Variants in SGCZ observed in about 807,000 individuals in gnomAD.
The protein encoded by SGCZ is zeta-sarcoglycan.
In SGCZ, 40 loss-of-function variants were observed where a neutral mutation model predicts 41.3. That is an observed-to-expected ratio of 0.97 (90% confidence interval 0.75 to 1.26). The LOEUF (loss-of-function observed/expected upper bound fraction) is 1.26. SGCZ is among the 50% of genes most tolerant of loss of function. The probability of loss-of-function intolerance (pLI) is 0.00; values close to 1 mark genes in which losing one functional copy is unlikely to be tolerated. For synonymous variants in SGCZ, 206 were observed against 137.5 expected, an observed-to-expected ratio of 1.50 and a Z score of -3.49; for missense variants, 552 against 369.8, an observed-to-expected ratio of 1.49 and a Z score of -4.04.
chr8:14,122,573 G>A (rs1370102738), intron 5 of SGCZ, among the ~76,000 whole-genome samples: 1 of 152,142 alleles, frequency 6.6e-6, no homozygotes, highest in African/African-American at 2.4e-5. Flanking sequence ...AATACTTTTA[G>A]CCATTTAAAA....
intron 2 of SGCZ, among the ~76,000 whole-genome samples, chr8:14,436,799 G>C (rs1409263843): frequency 6.6e-6 from 1 of 152,184 alleles, no homozygotes; most frequent in Admixed American, 6.5e-5. Context: ...GTGGTTTAGA[G>C]GAAAAGCACT....
intron 1 of SGCZ, among the ~76,000 whole-genome samples, chr8:14,946,855 T>C (rs1170475461): frequency 6.6e-6 from 1 of 151,924 alleles, no homozygotes; most frequent in Non-Finnish European, 1.5e-5. Context: ...TTTGTATTTT[T>C]AGTAGAGACG....
At chr8:14,834,291 C>A (rs1029174963) in intron 1 of SGCZ, among the ~76,000 whole-genome samples, 2 of 151,980 alleles carry the variant, frequency 1.3e-5, no homozygotes, top group African/African-American at 2.4e-5. Flanking sequence ...TTGAGCTTAG[C>A]CATTTTATTC....
Position 14,716,092 on chromosome 8 carries a change from C to A in SGCZ, c.40-161166G>T, listed in dbSNP as rs192893508. 1.6e-3 allele frequency among the ~76,000 whole-genome samples: 249 copies of A among 151,706 alleles called. 2 individuals are homozygous for A. The highest frequency in any genetic ancestry group is 4.7e-3 in the Admixed American group (71 of 15,234). On this transcript the variant is annotated intron_variant, in intron 1 of 7. Coordinates refer to ENST00000382080, the MANE Select transcript of SGCZ (RefSeq NM_139167.4). ...CCAGATAGCAAAACTTAAACAAGGCCGATAAAGTGGAACCTAGAAATTAAT... is the reference window on the plus strand; with the variant it reads ...CCAGATAGCAAAACTTAAACAAGGCAGATAAAGTGGAACCTAGAAATTAAT...
At chr8:14,130,306 T>C (rs1050309149) in intron 5 of SGCZ, among the ~76,000 whole-genome samples, 1 of 148,882 alleles carries the variant, frequency 6.7e-6, no homozygotes, top group Non-Finnish European at 1.5e-5. Flanking sequence ...AAAAAACAAA[T>C]GATTCAAAAT....
intron 4 of SGCZ, among the ~76,000 whole-genome samples, chr8:14,175,308 G>A (rs1307298785): frequency 6.6e-6 from 1 of 151,936 alleles, no homozygotes; most frequent in African/African-American, 2.4e-5. Context: ...TCATAAAAAA[G>A]GAAATGAAGA....
At chr8:14,619,132 C>T (rs1174986657) in intron 1 of SGCZ, among the ~76,000 whole-genome samples, 1 of 152,062 alleles carries the variant, frequency 6.6e-6, no homozygotes, top group Non-Finnish European at 1.5e-5. Context: ...AAGGCTGGTT[C>T]AACATATGCA....
chr8:14,549,788 A>G (rs13281154), intron 2 of SGCZ, among the ~76,000 whole-genome samples: 75,048 of 151,936 alleles, frequency 0.49, 20,659 homozygotes, highest in Non-Finnish European at 0.62. Context: ...AATCTGCCAG[A>G]AAAGGCCACA....
chr8:14,108,070 ACAT>A (rs2117000310), intron 6 of SGCZ, 90 bp downstream of exon 6: 1 of 925,528 alleles, frequency 1.1e-6, no homozygotes, highest in African/African-American at 2.9e-5. Flanking sequence ...ATTGGGAGAA[ACAT>A]TTGTCTAGTT....
chr8:15,213,847 T>C (rs1801313866), intron 1 of SGCZ, among the ~76,000 whole-genome samples: 1 of 151,998 alleles, frequency 6.6e-6, no homozygotes, highest in Non-Finnish European at 1.5e-5. Flanking sequence ...ATGTTCTAAT[T>C]TTCCCATAGG....
At chr8:14,422,981 T>C (rs539532923) in intron 2 of SGCZ, among the ~76,000 whole-genome samples, 156 of 152,200 alleles carry the variant, frequency 1.0e-3, no homozygotes, top group African/African-American at 3.4e-3. Context: ...TGAGCCATGA[T>C]CATGCCATTG....
Position 14,666,934 on chromosome 8 carries a change from T to C in SGCZ, c.40-112008A>G, listed in dbSNP as rs1277317670. The stretch of plus-strand genomic sequence containing the variant: ...TAAACCCTAGAAATATGTTTGTATA[T>C]AAACACACACATATATATGCACACA... On this transcript the variant is annotated intron_variant, in intron 1 of 7. Transcript: ENST00000382080. 3.9e-5 allele frequency among the ~76,000 whole-genome samples: 6 copies of C among 152,082 alleles called. No individual in the cohort carries two copies. The East Asian group carries it at 1.2e-3, about 29-fold the overall frequency.
chr8:14,806,674 C>T (rs1489248411), intron 1 of SGCZ, among the ~76,000 whole-genome samples: 1 of 152,090 alleles, frequency 6.6e-6, no homozygotes, highest in African/African-American at 2.4e-5. Flanking sequence ...TGGTACCATT[C>T]CTTCTGAAAC....
At chr8:15,105,815 G>A (rs1008198167) in intron 1 of SGCZ, among the ~76,000 whole-genome samples, 6 of 152,076 alleles carry the variant, frequency 3.9e-5, no homozygotes, top group African/African-American at 1.5e-4. Flanking sequence ...CTATAATTGA[G>A]TGCTGTTATT....
At chr8:14,444,905 C>T (rs528649527) in intron 2 of SGCZ, among the ~76,000 whole-genome samples, 203 of 152,280 alleles carry the variant, frequency 1.3e-3, no homozygotes, top group African/African-American at 4.7e-3. Context: ...AAACTCAACG[C>T]TGGATTCCAA....
rs140775827 is a variant in SGCZ at position 15,050,227 on chromosome 8, T to C, written c.39+187358A>G. 4.5e-4 allele frequency among the ~76,000 whole-genome samples: 69 copies of C among 152,300 alleles called. No individual in the cohort carries two copies. The East Asian group carries it at 0.013, about 28-fold the overall frequency. On this transcript the variant is annotated intron_variant, in intron 1 of 7. Transcript: ENST00000382080. The stretch of plus-strand genomic sequence containing the variant: ...GAATTGATGGTACCATATGTAGGCA[T>C]GAGAAATCATGCCTAACTTTGAACA...
chr8:14,359,169 C>T (rs969052019), intron 2 of SGCZ, among the ~76,000 whole-genome samples: 3 of 151,706 alleles, frequency 2.0e-5, no homozygotes, highest in Middle Eastern at 3.2e-3. Context: ...AATAAGAGTA[C>T]GTGAAGATAA....
chr8:14,508,632 G>A (rs530674121), intron 2 of SGCZ, among the ~76,000 whole-genome samples: 1 of 152,220 alleles, frequency 6.6e-6, no homozygotes, highest in East Asian at 1.9e-4. Flanking sequence ...TTCCCCATCG[G>A]TGGCATTCCA....
Position 14,349,872 on chromosome 8 carries a change from C to T in SGCZ, c.235-25668G>A, listed in dbSNP as rs187153487. ...ACCAAATAAGTTAGAAATCATATAT[C>T]CCTTTTACAGACACATAATAGATAC... On this transcript the variant is annotated intron_variant, in intron 2 of 7. Transcript: ENST00000382080. 6.7e-4 allele frequency among the ~76,000 whole-genome samples: 102 copies of T among 152,142 alleles called. 2 individuals carry two copies. The highest frequency in any genetic ancestry group is 4.5e-3 in the Admixed American group (68 of 15,246).
Sources: allele counts gnomAD v4.1 joint callset (sites outside exome capture counted in the v4.1 genomes callset), GRCh38; gene constraint gnomAD v4.1.1; transcripts MANE v1.5; gene names NCBI Gene and HGNC (gene_info 2026-07-23, HGNC 2026-07-21).